FBXW7: variants seen among roughly 807,000 people sequenced by gnomAD.
The protein encoded by FBXW7 is F-box/WD repeat-containing protein 7.
Under a neutral mutation model 86.3 loss-of-function variants are expected in FBXW7, and 11 were observed. The ratio of observed to expected loss-of-function variants is 0.13; its 90% CI spans 0.08 to 0.21. The LOEUF (loss-of-function observed/expected upper bound fraction) is 0.21. Ranked by LOEUF, FBXW7 falls within the 10% of genes least tolerant of loss-of-function variation. FBXW7 has a pLI of 1.00. For synonymous variants in FBXW7, 313 were observed against 297.9 expected, an observed-to-expected ratio of 1.05 and a Z score of -0.52; for missense variants, 488 against 847.4, an observed-to-expected ratio of 0.58 and a Z score of 5.27.
intron 6 of FBXW7, among the ~76,000 whole-genome samples, chr4:152,342,642 C>G (rs939199730): frequency 3.9e-5 from 6 of 152,194 alleles, no homozygotes; most frequent in Non-Finnish European, 7.4e-5. Context: ...TCTAGCACCT[C>G]TAGCACATGG....
intron 4 of FBXW7, among the ~76,000 whole-genome samples, chr4:152,353,966 A>G (rs1478995111): frequency 1.3e-5 from 2 of 152,160 alleles, no homozygotes; most frequent in Non-Finnish European, 2.9e-5. Flanking sequence ...AAAACAAAAC[A>G]AAACAACCAT....
At chr4:152,331,250 A>C (rs1729536866) in intron 8 of FBXW7, among the ~76,000 whole-genome samples, 1 of 152,072 alleles carries the variant, frequency 6.6e-6, no homozygotes. Flanking sequence ...AAAACAATTA[A>C]AAGCAGAGTC....
rs2126636939 is a variant in FBXW7, at chr4:152,347,087, AAAG to A, written c.585-19_585-17del. On this transcript the variant is annotated splice_polypyrimidine_tract_variant and intron_variant, in intron 5 of 13. Coordinates refer to ENST00000281708, the MANE Select transcript of FBXW7 (RefSeq NM_001349798.2). ...CCCAGTGGTACTACAAAAAAAAAAA[AAAG>A]AGAGAGAGAAAGGATAAAAGGAAAA... 6.9e-6 allele frequency: 11 copies of A among 1,585,310 alleles called. No homozygotes were observed. The highest frequency in any genetic ancestry group is 1.2e-5 in the South Asian group (1 of 85,208).
At chr4:152,534,304 A>T (rs1486114414) in intron 2 of FBXW7, among the ~76,000 whole-genome samples, 1 of 152,088 alleles carries the variant, frequency 6.6e-6, no homozygotes, top group East Asian at 1.9e-4. Flanking sequence ...AACTTTTATA[A>T]AATGATTAAT....
chr4:152,384,757 C>A (rs1553966007), intron 4 of FBXW7, among the ~76,000 whole-genome samples: 1 of 151,126 alleles, frequency 6.6e-6, no homozygotes, highest in Non-Finnish European at 1.5e-5. Flanking sequence ...TAATCATCAC[C>A]AAAAAAACCT....
chr4:152,415,585 T>C (rs1044081827), intron 2 of FBXW7, among the ~76,000 whole-genome samples: 4 of 152,114 alleles, frequency 2.6e-5, no homozygotes, highest in Non-Finnish European at 5.9e-5. Context: ...GTACCTGAAA[T>C]GCATGATGAA....
intron 2 of FBXW7, among the ~76,000 whole-genome samples, chr4:152,473,018 T>A (rs892707211): frequency 2.6e-5 from 4 of 152,116 alleles, no homozygotes; most frequent in Non-Finnish European, 5.9e-5. Context: ...ATAAAAAAAA[T>A]TTCCCGTAAA....
intron 6 of FBXW7, among the ~76,000 whole-genome samples, chr4:152,344,136 T>C (rs1304972782): frequency 6.6e-6 from 1 of 152,168 alleles, no homozygotes. Context: ...CTCTCTCACA[T>C]AGGTCAACTC....
chr4:152,482,472 A>G (rs891392707), intron 2 of FBXW7, among the ~76,000 whole-genome samples: 1 of 152,122 alleles, frequency 6.6e-6, no homozygotes, highest in African/African-American at 2.4e-5. Context: ...TGGCCACTAG[A>G]ACTCCTTTGA....
intron 5 of FBXW7, among the ~76,000 whole-genome samples, chr4:152,349,567 T>TA (rs1440025117): frequency 6.6e-6 from 1 of 151,924 alleles, no homozygotes; most frequent in Admixed American, 6.6e-5. Flanking sequence ...ATGTATGTGT[T>TA]AAAAACTTAA....
rs534167052 is a variant in FBXW7 at position 152,502,101 on chromosome 4, C to T, written c.-120+32840G>A. The stretch of plus-strand genomic sequence containing the variant: ...GTAACCAAAATACTTTAATCACATA[C>T]ATAACCAACTCTCAAAAGGTTTAAT... On this transcript the variant is annotated intron_variant, in intron 2 of 13. Transcript: ENST00000281708. Among the ~76,000 whole-genome samples the T allele has an allele frequency of 3.3e-5, 5 of 152,272 alleles. No homozygotes were observed. The East Asian group carries it at 9.6e-4, about 29-fold the overall frequency.
At chr4:152,493,087 C>A (rs1746010793) in intron 2 of FBXW7, among the ~76,000 whole-genome samples, 1 of 151,424 alleles carries the variant, frequency 6.6e-6, no homozygotes, top group Non-Finnish European at 1.5e-5. Flanking sequence ...GAAGAGAAGC[C>A]TGTTAAAAAA....
chr4:152,472,224 A>T (rs1744028684), intron 2 of FBXW7, among the ~76,000 whole-genome samples: 1 of 152,212 alleles, frequency 6.6e-6, no homozygotes, highest in African/African-American at 2.4e-5. Context: ...TACAAACAGT[A>T]TGGGAAACTG....
chr4:152,341,444 T>C (rs766043285), intron 6 of FBXW7, among the ~76,000 whole-genome samples: 2 of 152,192 alleles, frequency 1.3e-5, no homozygotes, highest in Non-Finnish European at 2.9e-5. Flanking sequence ...AGTTCCAAAC[T>C]CATCCACCTC....
intron 7 of FBXW7, among the ~76,000 whole-genome samples, chr4:152,335,494 G>T (rs1179088111): frequency 2.6e-5 from 4 of 152,072 alleles, no homozygotes; most frequent in Non-Finnish European, 5.9e-5. Flanking sequence ...AGGGAGTTAT[G>T]GGTTTCTTAC....
At chr4:152,353,129 A>C (rs1732022764) in intron 4 of FBXW7, among the ~76,000 whole-genome samples, 1 of 152,178 alleles carries the variant, frequency 6.6e-6, no homozygotes. Flanking sequence ...TCTTTTCAGA[A>C]ACATTTTGAA....
chr4:152,360,992 G>A (rs1306210748), intron 4 of FBXW7, among the ~76,000 whole-genome samples: 6 of 151,848 alleles, frequency 4.0e-5, no homozygotes. Context: ...AAAATGACAA[G>A]GCATAACTTG....
chr4:152,481,020 ACT>A (rs796917529), intron 2 of FBXW7, among the ~76,000 whole-genome samples: 1 of 152,236 alleles, frequency 6.6e-6, no homozygotes, highest in African/African-American at 2.4e-5. Context: ...AGATGAAATA[ACT>A]CTCTACTGGA....
intron 2 of FBXW7, among the ~76,000 whole-genome samples, chr4:152,482,310 T>C (rs1206028770): frequency 1.3e-5 from 2 of 152,222 alleles, no homozygotes; most frequent in Non-Finnish European, 1.5e-5. Flanking sequence ...CTTAACAGAC[T>C]ACAATATTGT....
Sources: allele counts gnomAD v4.1 joint callset (sites outside exome capture counted in the v4.1 genomes callset), GRCh38; gene constraint gnomAD v4.1.1; transcripts MANE v1.5; gene names NCBI Gene and HGNC (gene_info 2026-07-23, HGNC 2026-07-21).